RPS6KA5: variants seen among roughly 807,000 people sequenced by gnomAD.
RPS6KA5 encodes the protein ribosomal protein S6 kinase A5, also known as ribosomal protein S6 kinase alpha-5.
A neutral mutation model predicts 85.5 loss-of-function variants in RPS6KA5; 27 were observed. That is an observed-to-expected ratio of 0.32 (90% CI 0.23 to 0.44). The LOEUF is 0.44. Ranked by LOEUF, RPS6KA5 falls within the 20% of genes least tolerant of loss-of-function variation. The pLI is 1.00. For synonymous variants in RPS6KA5, 334 were observed against 348.2 expected (o/e 0.96, Z 0.46); for missense variants, 811 against 980.9 (o/e 0.83, Z 2.31).
At chr14:90,988,686 G>A (rs758396321) in intron 2 of RPS6KA5, among the ~76,000 whole-genome samples, 11 of 152,076 alleles carry the variant, frequency 7.2e-5, no homozygotes, top group Non-Finnish European at 2.9e-5. Context: ...GGTGGCGGGC[G>A]TCTGTAATCC....
At chr14:90,919,863 T>C (rs945855654) in intron 7 of RPS6KA5, among the ~76,000 whole-genome samples, 1 of 152,144 alleles carries the variant, frequency 6.6e-6, no homozygotes, top group Non-Finnish European at 1.5e-5. Flanking sequence ...AAGAAATAAA[T>C]TACATATACA....
At position 90,920,134 on chromosome 14, in the gene RPS6KA5, C is replaced by T. The variant is rs191906883; in HGVS notation, c.806+72G>A. The T allele has an allele frequency of 3.8e-3, 3,692 of 978,854 alleles. 23 individuals carry two copies. The highest frequency in any genetic ancestry group is 0.01 in the South Asian group (799 of 76,862). The allele number at this position is 978,854 out of a possible 1,614,324, so 60.6% of individuals were successfully genotyped here. On this transcript the variant is annotated intron_variant, in intron 7 of 16. Coordinates refer to ENST00000614987, the MANE Select transcript of RPS6KA5 (RefSeq NM_004755.4). The stretch of plus-strand genomic sequence containing the variant: ...CATTTTAAAAAATTATCGTTTACAT[C>T]AGCCTAACCGCAGAAATGTGATCAG...
rs916075285 is a variant in RPS6KA5 at position 90,866,700 on chromosome 14, T to C, written c.*5374A>G. On this transcript the variant is annotated 3_prime_UTR_variant, in exon 17 of 17. Transcript: ENST00000614987. ...AAGGATACATACCATTTTTACCAGC[T>C]ATACTTTAAAATGCCAGTCTTTAAA... The C allele has an allele frequency of 6.6e-6, 1 of 152,234 alleles. No individual in the cohort carries two copies. The highest frequency in any genetic ancestry group is 2.4e-5 in the African/African-American group (1 of 41,470). 9.4% of individuals were successfully genotyped at this position (152,234 alleles called of 1,614,324 possible). A position where few individuals can be genotyped will look rare whatever the true frequency, so the allele number is the denominator to read the frequency against.
rs187928245 is a variant in RPS6KA5, at chr14:90,978,181, A to G, written c.394+125T>C. 1.3e-4 allele frequency: 89 copies of G among 668,318 alleles called. 1 individual carries two copies. In the Admixed American group the frequency reaches 1.6e-3, roughly 12 times the overall value. 41.4% of individuals were successfully genotyped at this position (668,318 alleles called of 1,614,324 possible). ...ATGATATTCCAGGAGATGCCACCACAAAGAATGAGAATCAAAATATTTCAC... is the reference window on the plus strand; with the variant it reads ...ATGATATTCCAGGAGATGCCACCACGAAGAATGAGAATCAAAATATTTCAC... On this transcript the variant is annotated intron_variant, in intron 3 of 16. Transcript: ENST00000614987.
chr14:90,900,498 T>C, intron 10 of RPS6KA5, 113 bp downstream of exon 10: 1 of 1,115,030 alleles, frequency 9.0e-7, no homozygotes, highest in Admixed American at 2.8e-5. Context: ...TATATCCCAC[T>C]TTTAAAATTG....
In RPS6KA5 at chr14:90,873,710, G is replaced by T. The variant is rs760618612; in HGVS notation, c.2082C>A (p.Ser694=). 6.2e-7 allele frequency: 1 copy of T among 1,614,032 alleles called. No homozygotes were observed. Among genetic ancestry groups the T allele is most frequent in the South Asian group, 1.1e-5 (1 of 91,082 alleles). ...TATCCGGAGTCATCAGAGGATTGGA[G>T]GACAGCTGACTTCCATCTTGTAGCC... ...NEWLQDGSQL[S]SNPLMTPDIL... The change falls in exon 16 of 17, where the codon TCC becomes TCA. Residue 694 remains serine (S), a synonymous_variant. Transcript: ENST00000614987.
chr14:90,858,677 G>A lies in RPS6KA5; in HGVS notation c.*13397C>T, dbSNP rs975048727. 2 of 152,192 alleles carry A rather than the reference G, an allele frequency of 1.3e-5. No individual in the cohort carries two copies. Among genetic ancestry groups the A allele is most frequent in the Non-Finnish European group, 2.9e-5 (2 of 68,056 alleles). The allele number at this position is 152,192 out of a possible 1,614,324, so 9.4% of individuals were successfully genotyped here. A position where few individuals can be genotyped will look rare whatever the true frequency, so the allele number is the denominator to read the frequency against. On this transcript the variant is annotated 3_prime_UTR_variant, in exon 17 of 17. Transcript: ENST00000614987. Reference sequence around the variant, plus strand: ...AGGCAACAGGGAGCAAACCAATGCAGGGAGAACTTGACGAGCTGCAATAAA... The same window carrying A: ...AGGCAACAGGGAGCAAACCAATGCAAGGAGAACTTGACGAGCTGCAATAAA...
intron 1 of RPS6KA5, chr14:91,060,030 G>T: frequency 1.0e-6 from 1 of 985,268 alleles, no homozygotes; most frequent in South Asian, 4.7e-5. Context: ...GTGCGGGAAG[G>T]GGGAGCAGCG....
chr14:91,010,129 C>T (rs923231160), intron 1 of RPS6KA5, among the ~76,000 whole-genome samples: 4 of 151,428 alleles, frequency 2.6e-5, no homozygotes, highest in African/African-American at 7.3e-5. Flanking sequence ...ATTTTTACTA[C>T]ATTTTTTACT....
intron 4 of RPS6KA5, 80 bp from the exon 5 acceptor site, chr14:90,943,265 T>G: frequency 1.4e-6 from 1 of 737,932 alleles, no homozygotes; most frequent in Middle Eastern, 3.4e-4. Context: ...CTACCTTTAT[T>G]TATTTATTTT....
chr14:91,054,929 A>C (rs1595570789), intron 1 of RPS6KA5, among the ~76,000 whole-genome samples: 1 of 152,330 alleles, frequency 6.6e-6, no homozygotes, highest in African/African-American at 2.4e-5. Flanking sequence ...CCTAAAATAC[A>C]TAAAGAACTC....
chr14:90,982,750 G>A (rs758494489), intron 2 of RPS6KA5, among the ~76,000 whole-genome samples: 7 of 152,184 alleles, frequency 4.6e-5, no homozygotes, highest in East Asian at 1.9e-4. Flanking sequence ...AGGCCGGAGC[G>A]GGCGGATCAC....
intron 7 of RPS6KA5, among the ~76,000 whole-genome samples, chr14:90,911,121 CAT>C (rs2140262207): frequency 6.6e-6 from 1 of 151,922 alleles, no homozygotes; most frequent in Non-Finnish European, 1.5e-5. Flanking sequence ...TCATGCATAC[CAT>C]ATGTTTATTT....
chr14:90,939,620 CAA>C (rs931267492), intron 5 of RPS6KA5, among the ~76,000 whole-genome samples: 2 of 152,110 alleles, frequency 1.3e-5, no homozygotes, highest in African/African-American at 4.8e-5. Flanking sequence ...TAGCAGGAGA[CAA>C]AGAGAGAGAG....
intron 2 of RPS6KA5, among the ~76,000 whole-genome samples, chr14:90,984,790 CAAG>C (rs766393955): frequency 9.9e-5 from 15 of 152,184 alleles, no homozygotes; most frequent in Non-Finnish European, 1.9e-4. Flanking sequence ...AGTTTTAAAA[CAAG>C]AAGACATCCA....
intron 3 of RPS6KA5, among the ~76,000 whole-genome samples, chr14:90,975,164 TA>T (rs1394985996): frequency 6.6e-6 from 1 of 151,984 alleles, no homozygotes; most frequent in African/African-American, 2.4e-5. Context: ...TTTGCAGTAA[TA>T]AAACTTTAAG....
intron 7 of RPS6KA5, among the ~76,000 whole-genome samples, chr14:90,914,312 T>TTG (rs2035992654): frequency 1.5e-5 from 2 of 137,480 alleles, no homozygotes; most frequent in Non-Finnish European, 3.1e-5. Context: ...CCCTAGGGTT[T>TTG]TTTTTTTTTT....
chr14:90,997,681 G>A (rs1313581483), intron 2 of RPS6KA5, among the ~76,000 whole-genome samples: 1 of 152,064 alleles, frequency 6.6e-6, no homozygotes, highest in Admixed American at 6.6e-5. Flanking sequence ...AACAAAATGT[G>A]GTATATCTGT....
At chr14:91,055,167 G>A (rs2043260000) in intron 1 of RPS6KA5, among the ~76,000 whole-genome samples, 1 of 152,182 alleles carries the variant, frequency 6.6e-6, no homozygotes, top group African/African-American at 2.4e-5. Context: ...ATTGCTGATG[G>A]GAATATAAAA....
Sources: allele counts gnomAD v4.1 joint callset (sites outside exome capture counted in the v4.1 genomes callset), GRCh38; gene constraint gnomAD v4.1.1; transcripts MANE v1.5; gene names NCBI Gene and HGNC (gene_info 2026-07-23, HGNC 2026-07-21).